HS3ST4: variants seen among roughly 807,000 people sequenced by gnomAD.
The protein encoded by HS3ST4 is heparan sulfate glucosamine 3-O-sulfotransferase 4.
Under a neutral mutation model 29.2 loss-of-function variants are expected in HS3ST4, and 17 were observed. The ratio of observed to expected loss-of-function variants is 0.58; its 90% confidence interval spans 0.40 to 0.87. The LOEUF (loss-of-function observed/expected upper bound fraction) is 0.87. Among genes scored for constraint, HS3ST4 ranks in the 40% least tolerant of loss-of-function variants. HS3ST4 has a pLI of 0.00. For missense variants in HS3ST4, 627 were observed against 634.5 expected (o/e 0.99, Z 0.13); for synonymous variants, 314 against 285.7 (o/e 1.10, Z -1.00).
chr16:25,752,484 G>C (rs142463752), intron 1 of HS3ST4, among the ~76,000 whole-genome samples: 1 of 152,020 alleles, frequency 6.6e-6, no homozygotes, highest in Non-Finnish European at 1.5e-5. Context: ...TTGACGGAAC[G>C]GATTATAGGC....
intron 1 of HS3ST4, 126 bp from the exon 2 acceptor site, chr16:26,135,486 C>A: frequency 1.1e-6 from 1 of 935,718 alleles, no homozygotes; most frequent in Non-Finnish European, 1.6e-6. Context: ...GAAGAACTTG[C>A]AAGAGTTTAT....
intron 1 of HS3ST4, among the ~76,000 whole-genome samples, chr16:25,906,987 G>T (rs1968186032): frequency 6.6e-6 from 1 of 152,088 alleles, no homozygotes; most frequent in Non-Finnish European, 1.5e-5. Context: ...TTGAGGCCAA[G>T]AGCTTGAGAC....
chr16:25,962,397 G>A (rs541318551), intron 1 of HS3ST4, among the ~76,000 whole-genome samples: 1 of 152,274 alleles, frequency 6.6e-6, no homozygotes, highest in Admixed American at 6.5e-5. Flanking sequence ...CCATTCACTG[G>A]TATGACCTGG....
chr16:25,907,576 C>G (rs1405760081), intron 1 of HS3ST4, among the ~76,000 whole-genome samples: 1 of 152,152 alleles, frequency 6.6e-6, no homozygotes, highest in Admixed American at 6.6e-5. Context: ...GGCTGGACAG[C>G]TCAAAGCACA....
intron 1 of HS3ST4, among the ~76,000 whole-genome samples, chr16:26,107,377 CACACACACATACATGCACAT>C (rs1899072202): frequency 6.6e-6 from 1 of 151,292 alleles, no homozygotes; most frequent in Non-Finnish European, 1.5e-5. Flanking sequence ...CACATATGCA[CACACACACATACATGCACAT>C]ATGTATTTCA....
At chr16:25,693,291 G>A in intron 1 of HS3ST4, 140 bp downstream of exon 1, 2 of 933,358 alleles carry the variant, frequency 2.1e-6, no homozygotes, top group Non-Finnish European at 3.1e-6. Flanking sequence ...AAACCCTGGC[G>A]GCGTTGCTCA....
chr16:25,930,159 T>C (rs1186978569), intron 1 of HS3ST4, among the ~76,000 whole-genome samples: 1 of 152,254 alleles, frequency 6.6e-6, no homozygotes, highest in Non-Finnish European at 1.5e-5. Context: ...GGCTGCATAG[T>C]ATTCCATGGT....
chr16:26,046,986 CT>C (rs2141762689), intron 1 of HS3ST4, among the ~76,000 whole-genome samples: 1 of 152,188 alleles, frequency 6.6e-6, no homozygotes. Flanking sequence ...TATGTTTCCT[CT>C]TCATTCCTTT....
chr16:25,989,073 A>G (rs1013614521), intron 1 of HS3ST4, among the ~76,000 whole-genome samples: 1 of 152,216 alleles, frequency 6.6e-6, no homozygotes, highest in African/African-American at 2.4e-5. Context: ...AGTCACAGAC[A>G]GAAAACGGAA....
intron 1 of HS3ST4, among the ~76,000 whole-genome samples, chr16:25,700,286 G>A (rs1049177359): frequency 2.6e-5 from 4 of 152,162 alleles, no homozygotes; most frequent in Non-Finnish European, 4.4e-5. Flanking sequence ...GGACTTCCAT[G>A]CTGACATTCT....
chr16:25,819,544 G>A (rs981473161), intron 1 of HS3ST4, among the ~76,000 whole-genome samples: 27 of 152,244 alleles, frequency 1.8e-4, no homozygotes, highest in African/African-American at 5.1e-4. Context: ...GTTTTGCGCT[G>A]GTGGTTCTAG....
chr16:25,943,117 A>G (rs1011011248), intron 1 of HS3ST4, among the ~76,000 whole-genome samples: 26 of 152,160 alleles, frequency 1.7e-4, no homozygotes, highest in Non-Finnish European at 2.6e-4. Context: ...CTTATCAACT[A>G]TATTTTATTT....
intron 1 of HS3ST4, among the ~76,000 whole-genome samples, chr16:26,113,671 G>A (rs1899165627): frequency 6.6e-6 from 1 of 151,940 alleles, no homozygotes; most frequent in African/African-American, 2.4e-5. Flanking sequence ...AATAATGGCT[G>A]GGCAAAGAAT....
intron 1 of HS3ST4, among the ~76,000 whole-genome samples, chr16:25,944,714 A>G (rs1968608571): frequency 6.6e-6 from 1 of 152,050 alleles, no homozygotes; most frequent in Non-Finnish European, 1.5e-5. Context: ...CTCCCTCTCT[A>G]TCTTCCTACC....
At chr16:26,050,958 C>T (rs1258098525) in intron 1 of HS3ST4, among the ~76,000 whole-genome samples, 4 of 152,132 alleles carry the variant, frequency 2.6e-5, no homozygotes, top group Admixed American at 2.6e-4. Context: ...ACACTGTCTG[C>T]ATCCTGGAGC....
intron 1 of HS3ST4, among the ~76,000 whole-genome samples, chr16:25,755,909 A>G (rs1189044621): frequency 6.6e-6 from 1 of 152,134 alleles, no homozygotes; most frequent in Non-Finnish European, 1.5e-5. Context: ...AGTAAAGAGG[A>G]AAGTGAAATA....
At chr16:25,901,781 CCTTGCTTTCTCTTAT>C (rs1968121838) in intron 1 of HS3ST4, among the ~76,000 whole-genome samples, 1 of 152,224 alleles carries the variant, frequency 6.6e-6, no homozygotes, top group Non-Finnish European at 1.5e-5. Flanking sequence ...CTTCCTCCAT[CCTTGCTTTCTCTTAT>C]CTTTTTCTTG....
At chr16:25,893,346 A>G (rs757388139) in intron 1 of HS3ST4, among the ~76,000 whole-genome samples, 22 of 152,220 alleles carry the variant, frequency 1.4e-4, no homozygotes, top group Non-Finnish European at 2.5e-4. Context: ...GAATGATGTG[A>G]TCGTATTTGC....
intron 1 of HS3ST4, among the ~76,000 whole-genome samples, chr16:25,873,779 T>G (rs1332278793): frequency 6.6e-6 from 1 of 152,016 alleles, no homozygotes; most frequent in East Asian, 1.9e-4. Flanking sequence ...AATCCATCCA[T>G]TCTTTCATCC....
Sources: allele counts gnomAD v4.1 joint callset (sites outside exome capture counted in the v4.1 genomes callset), GRCh38; gene constraint gnomAD v4.1.1; transcripts MANE v1.5; gene names NCBI Gene and HGNC (gene_info 2026-07-23, HGNC 2026-07-21).